The following THNSL1 variants were observed in gnomAD, a reference collection of about 807,000 sequenced individuals.
THNSL1 encodes the protein threonine synthase like 1, also known as threonine synthase-like 1.
THNSL1 carries 48 observed loss-of-function variants against 50.4 expected under a neutral mutation model. That is an observed-to-expected ratio of 0.95 (90% confidence interval 0.76 to 1.21). The LOEUF (loss-of-function observed/expected upper bound fraction) is 1.21, where lower values mean the gene tolerates loss of function less well. Ranked by LOEUF, THNSL1 falls within the 50% of genes most tolerant of loss-of-function variation. THNSL1 has a pLI of 0.00. For synonymous variants in THNSL1, 309 were observed against 306.1 expected (o/e 1.01, Z -0.10); for missense variants, 896 against 871.7 (o/e 1.03, Z -0.35).
the THNSL1 span, among the ~76,000 whole-genome samples, chr10:24,994,436 C>A: frequency 6.6e-6 from 1 of 151,436 alleles, no homozygotes; most frequent in Non-Finnish European, 1.5e-5. Context: ...TGGGATCAAG[C>A]GATTCTCGTG....
At chr10:24,996,723 A>G in the THNSL1 span, among the ~76,000 whole-genome samples, 6 of 152,150 alleles carry the variant, frequency 3.9e-5, no homozygotes, top group Admixed American at 3.3e-4. Context: ...GACCTTTTTT[A>G]TTAGTTTATA....
the THNSL1 span, among the ~76,000 whole-genome samples, chr10:24,960,571 C>T: frequency 4.3e-4 from 66 of 151,942 alleles, no homozygotes; most frequent in African/African-American, 1.1e-3. Context: ...GGATTACAGG[C>T]GTGCACCACT....
chr10:24,964,961 G>C, the THNSL1 span, among the ~76,000 whole-genome samples: 1 of 152,012 alleles, frequency 6.6e-6, no homozygotes, highest in Non-Finnish European at 1.5e-5. Context: ...AACTCAGGAG[G>C]CTTTGGTGGG....
upstream of THNSL1, among the ~76,000 whole-genome samples, chr10:25,014,111 C>A (rs185283595): frequency 6.6e-6 from 1 of 152,082 alleles, no homozygotes; most frequent in African/African-American, 2.4e-5. Context: ...CAGAAAAGTG[C>A]CTTTCATCCG....
At position 25,025,112 on chromosome 10, in the gene THNSL1, CCA is replaced by C; in HGVS notation, c.1891_1892del (p.Thr631LeufsTer2). ...GGAGAGTGCCTAGCAGCTATTAACT[CCA>C]CCTATAATACTTCAGGGTATATTTT... On this transcript the variant is annotated frameshift_variant, in exon 3 of 3. Transcript: ENST00000376356. LOFTEE classifies it high-confidence loss of function. 6.2e-7 allele frequency: 1 copy of C among 1,614,180 alleles called. No homozygotes were observed. The highest frequency in any genetic ancestry group is 8.5e-7 in the Non-Finnish European group (1 of 1,180,040).
the THNSL1 span, among the ~76,000 whole-genome samples, chr10:24,985,249 A>G: frequency 5.3e-5 from 8 of 152,214 alleles, no homozygotes; most frequent in Non-Finnish European, 1.0e-4. Context: ...ACAACTTAGA[A>G]TGATATCCTC....
Position 25,024,182 on chromosome 10 carries a change from A to G in THNSL1, c.959A>G (p.Glu320Gly). The stretch of plus-strand genomic sequence containing the variant: ...GAAATGATTGAAACTGCTTATGGGG[A>G]AAACTTTGCCTGCTCAAAAATTGCT... ...LGEMIETAYG[E>G]NFACSKIAPV... The change falls in exon 3 of 3, where the codon GAA becomes GGA. Residue 320 changes from glutamate to glycine, a missense_variant. Physicochemically the swap from Glu to Gly is moderately conservative, Grantham distance 98. Transcript: ENST00000376356. 1 of 1,614,206 alleles carries G rather than the reference A, an allele frequency of 6.2e-7. No individual in the cohort carries two copies. The highest frequency in any genetic ancestry group is 8.5e-7 in the Non-Finnish European group (1 of 1,180,028).
the THNSL1 span, among the ~76,000 whole-genome samples, chr10:24,962,254 A>C: frequency 1.3e-5 from 2 of 152,244 alleles, no homozygotes; most frequent in Admixed American, 1.3e-4. Context: ...ATGTAAAACA[A>C]AAGTAAATTA....
chr10:24,962,069 CAG>C, the THNSL1 span, among the ~76,000 whole-genome samples: 48 of 152,278 alleles, frequency 3.2e-4, 1 homozygote, highest in African/African-American at 1.0e-3. Flanking sequence ...CCTGGTCAGT[CAG>C]AAGTTCTGTG....
chr10:24,965,385 C>A, the THNSL1 span, among the ~76,000 whole-genome samples: 1 of 152,228 alleles, frequency 6.6e-6, no homozygotes, highest in Non-Finnish European at 1.5e-5. Flanking sequence ...CCAGAGGCCA[C>A]AGCCCTCATT....
chr10:24,995,190 A>G, the THNSL1 span, among the ~76,000 whole-genome samples: 2 of 152,352 alleles, frequency 1.3e-5, no homozygotes, highest in South Asian at 2.1e-4. Context: ...TGAATTATTT[A>G]TACTACACTG....
chr10:25,003,174 A>C, the THNSL1 span, among the ~76,000 whole-genome samples: 1 of 137,620 alleles, frequency 7.3e-6, no homozygotes, highest in African/African-American at 2.9e-5. Flanking sequence ...TAATTAATTA[A>C]TTAATTAATT....
In THNSL1 at chr10:25,023,378, T is replaced by A; in HGVS notation, c.155T>A (p.Leu52His). Residue 52 changes from leucine to histidine, a missense_variant, in exon 3 of 3, where the codon CTT (leucine) becomes CAT (histidine). Transcript: ENST00000376356. ...LRKSWYSTHSLVGDKNIILMG... is the reference protein window; with the variant it reads ...LRKSWYSTHSHVGDKNIILMG... ...AAGTCATGGTATTCAACCCACTCTC[T>A]TGTTGGAGACAAAAATATTATCCTG... 1 of 1,614,142 alleles carries A rather than the reference T, an allele frequency of 6.2e-7. No homozygotes were observed.
chr10:25,013,166 CTG>C (rs1850489630), upstream of THNSL1, among the ~76,000 whole-genome samples: 2 of 152,212 alleles, frequency 1.3e-5, no homozygotes, highest in South Asian at 2.1e-4. Context: ...CCATGTGAAA[CTG>C]TGAGTCAATT....
chr10:25,013,433 CA>C (rs1850496967), upstream of THNSL1, among the ~76,000 whole-genome samples: 1 of 152,160 alleles, frequency 6.6e-6, no homozygotes, highest in Non-Finnish European at 1.5e-5. Context: ...CAACCTTAGT[CA>C]AAATCCATAC....
chr10:24,990,318 T>C, the THNSL1 span: 1 of 987,870 alleles, frequency 1.0e-6, no homozygotes, highest in Non-Finnish European at 1.4e-6. Context: ...TCAGCTTTGC[T>C]GTATGTAGTT....
chr10:24,984,650 CT>C, the THNSL1 span: 9 of 1,291,632 alleles, frequency 7.0e-6, no homozygotes, highest in Admixed American at 2.8e-5. Flanking sequence ...TAGTATTTTC[CT>C]TTTTGAAAAA....
At chr10:24,978,136 A>G in the THNSL1 span, among the ~76,000 whole-genome samples, 1 of 152,216 alleles carries the variant, frequency 6.6e-6, no homozygotes, top group Non-Finnish European at 1.5e-5. Flanking sequence ...GTGAAACACT[A>G]TCTTTCAGTT....
At chr10:25,004,693 A>T in the THNSL1 span, among the ~76,000 whole-genome samples, 15 of 151,952 alleles carry the variant, frequency 9.9e-5, no homozygotes, top group African/African-American at 1.7e-4. Flanking sequence ...GTTTGCAAAA[A>T]TTTTCTCCCA....
Sources: allele counts gnomAD v4.1 joint callset (sites outside exome capture counted in the v4.1 genomes callset), GRCh38; gene constraint gnomAD v4.1.1; transcripts MANE v1.5; gene names NCBI Gene and HGNC (gene_info 2026-07-23, HGNC 2026-07-21).